DYNC1H1: variants seen among roughly 807,000 people sequenced by gnomAD.
DYNC1H1 encodes dynein cytoplasmic 1 heavy chain 1.
DYNC1H1 carries 51 observed loss-of-function variants against 527.1 expected under a neutral mutation model. That is an observed-to-expected ratio of 0.10 (90% CI 0.08 to 0.12). DYNC1H1 has a LOEUF of 0.12. DYNC1H1 is among the 10% of genes least tolerant of loss of function. The probability of loss-of-function intolerance (pLI) is 1.00; values close to 1 mark genes in which losing one functional copy is unlikely to be tolerated. For missense variants in DYNC1H1, 2,771 were observed against 5,971.8 expected (o/e 0.46, Z 17.66); for synonymous variants, 2,189 against 2,278.8 (o/e 0.96, Z 1.12).
At position 102,030,185 on chromosome 14, in the gene DYNC1H1, A is replaced by G; in HGVS notation, c.9786A>G (p.Glu3262=). 3 of 1,614,182 alleles carry G rather than the reference A, an allele frequency of 1.9e-6. No homozygotes were observed. Among genetic ancestry groups the G allele is most frequent in the Non-Finnish European group, 2.5e-6 (3 of 1,180,018 alleles). The change falls in exon 51 of 78, where the codon GAA becomes GAG. Residue 3262 remains glutamate (E), a synonymous_variant. Transcript: ENST00000360184. ...KKKVMSQEIQ[E]QLHKQQEVIA... ...AGGTTATGAGCCAAGAAATCCAGGAACAGCTGCATAAGCAGCAGGAGGTAA... is the reference window on the plus strand; with the variant it reads ...AGGTTATGAGCCAAGAAATCCAGGAGCAGCTGCATAAGCAGCAGGAGGTAA...
intron 15 of DYNC1H1, 105 bp downstream of exon 15, chr14:101,995,405 A>C: frequency 2.9e-6 from 4 of 1,370,292 alleles, no homozygotes; most frequent in Non-Finnish European, 4.1e-6. Context: ...AGGTCAGGAG[A>C]TCGAGACCAT....
rs2048535005 is a variant in DYNC1H1 at position 102,033,587 on chromosome 14, C to G, written c.10413+103C>G. 1.4e-6 allele frequency: 2 copies of G among 1,459,416 alleles called. No homozygotes were observed. Among genetic ancestry groups the G allele is most frequent in the East Asian group, 4.9e-5 (2 of 40,980 alleles). The allele number at this position is 1,459,416 out of a possible 1,614,324, so 90.4% of individuals were successfully genotyped here. A position where few individuals can be genotyped will look rare whatever the true frequency, so the allele number is the denominator to read the frequency against. ...CACCATGCTGGCCTCGGTGAATTCG[C>G]TCTTTAACATCTGTAAGGCCCCGGA... On this transcript the variant is annotated intron_variant, in intron 54 of 77. Coordinates refer to ENST00000360184, the MANE Select transcript of DYNC1H1 (RefSeq NM_001376.5). The surrounding 1 kb of genome is among the most constrained non-coding windows in gnomAD (Gnocchi z 5.6).
In DYNC1H1 at chr14:102,012,741, G is replaced by A; in HGVS notation, c.7014+271G>A. ...TATGATTATCAGTTAACCCTGTATG[G>A]TGGGGTTGTCGTTAAGGTTTCTTAA... On this transcript the variant is annotated intron_variant, in intron 34 of 77. Coordinates refer to ENST00000360184, the MANE Select transcript of DYNC1H1 (RefSeq NM_001376.5). This position sits in a 1 kb window ranked among gnomAD's most constrained non-coding sequence, Gnocchi z 4.9. The A allele has an allele frequency of 2.0e-6, 1 of 492,970 alleles. No homozygotes were observed. Among genetic ancestry groups the A allele is most frequent in the Non-Finnish European group, 3.7e-6 (1 of 272,554 alleles). 30.5% of individuals were successfully genotyped at this position (492,970 alleles called of 1,614,324 possible). A position where few individuals can be genotyped will look rare whatever the true frequency, so the allele number is the denominator to read the frequency against.
chr14:102,005,296 G>T lies in DYNC1H1; in HGVS notation c.5433+60G>T, dbSNP rs2048184706. On this transcript the variant is annotated intron_variant, in intron 26 of 77. Transcript: ENST00000360184. This position sits in a 1 kb window ranked among gnomAD's most constrained non-coding sequence, Gnocchi z 4.0. Reference sequence around the variant, plus strand: ...AGACTCTTACACCCTCAACCACACAGTTAAATGGAAATCATGCTTGAAAAA... The same window carrying T: ...AGACTCTTACACCCTCAACCACACATTTAAATGGAAATCATGCTTGAAAAA... 4 of 1,599,994 alleles carry T rather than the reference G, an allele frequency of 2.5e-6. No individual in the cohort carries two copies. In the South Asian group the frequency reaches 4.4e-5, roughly 18 times the overall value.
Position 101,983,715 on chromosome 14 carries a change from T to C in DYNC1H1, c.1461+106T>C. The stretch of plus-strand genomic sequence containing the variant: ...TTGTTGAGATGAAGTTTCACTCTTG[T>C]TGCCCAGGCTGGAGTGCAATGGCAT... On this transcript the variant is annotated intron_variant, in intron 7 of 77. Coordinates refer to ENST00000360184, the MANE Select transcript of DYNC1H1 (RefSeq NM_001376.5). The surrounding 1 kb of genome is among the most constrained non-coding windows in gnomAD (Gnocchi z 5.3). The C allele has an allele frequency of 2.3e-6, 3 of 1,325,640 alleles. No individual in the cohort carries two copies. Among genetic ancestry groups the C allele is most frequent in the Non-Finnish European group, 3.1e-6 (3 of 952,454 alleles). The allele number at this position is 1,325,640 out of a possible 1,614,324, so 82.1% of individuals were successfully genotyped here.
rs756401590 is a variant in DYNC1H1 at position 102,049,632 on chromosome 14, G to T, written c.13515+50G>T. ...GGGTGGTCAGCAGCTGTCCTGGGCT[G>T]GGGTGGGAGTGGCTCTGGGGAAAAA... On this transcript the variant is annotated intron_variant, in intron 75 of 77. Transcript: ENST00000360184. This position sits in a 1 kb window ranked among gnomAD's most constrained non-coding sequence, Gnocchi z 5.5. 1 of 1,613,244 alleles carries T rather than the reference G, an allele frequency of 6.2e-7. No homozygotes were observed.
chr14:102,048,913 G>GT, intron 74 of DYNC1H1: 1 of 557,508 alleles, frequency 1.8e-6, no homozygotes, highest in South Asian at 2.0e-5. Flanking sequence ...ACAACTTCTA[G>GT]TTTTTTAGGG....
Position 102,004,834 on chromosome 14 carries a change from G to A in DYNC1H1, c.5122G>A (p.Glu1708Lys). The A allele has an allele frequency of 5.0e-6, 8 of 1,614,190 alleles. No homozygotes were observed. The highest frequency in any genetic ancestry group is 5.9e-6 in the Non-Finnish European group (7 of 1,180,044). ...TGAGTGGCTCACATTGGTAGAAAAG[G>A]AGATGAGAGTCACCCTGGCCAAACT... is the stretch of plus-strand genomic sequence containing the variant. The part of the protein sequence containing the change: ...INEWLTLVEK[E>K]MRVTLAKLLA... The change falls in exon 25 of 78, where the codon GAG becomes AAG. Residue 1708 changes from glutamate (E) to lysine (K), a missense_variant. By Grantham distance (56) the Glu-to-Lys change is moderately conservative (BLOSUM62 1). This residue lies in a region of DYNC1H1 where 105 missense variants were observed against 138.1 expected (regional missense o/e 0.76). Transcript: ENST00000360184.
rs1437010377 is a variant in DYNC1H1, at chr14:102,012,083, C to T, written c.6827C>T (p.Thr2276Ile). The stretch of plus-strand genomic sequence containing the variant: ...CTGGACCCCAACACCAGGGAATGGA[C>T]AGATGGGCTCTTCACACACGTGCTG... ...GTLDPNTREW[T>I]DGLFTHVLRK... The change falls in exon 33 of 78, where the codon ACA becomes ATA. Residue 2276 changes from threonine to isoleucine, a missense_variant. Coordinates refer to ENST00000360184, the MANE Select transcript of DYNC1H1 (RefSeq NM_001376.5). The surrounding 1 kb of genome is among the most constrained non-coding windows in gnomAD (Gnocchi z 4.9). 6.2e-7 allele frequency: 1 copy of T among 1,614,216 alleles called. No individual in the cohort carries two copies. The highest frequency in any genetic ancestry group is 1.7e-5 in the Admixed American group (1 of 60,034).
intron 52 of DYNC1H1, 104 bp downstream of exon 52, chr14:102,032,571 G>T: frequency 7.0e-7 from 1 of 1,438,606 alleles, no homozygotes; most frequent in South Asian, 1.2e-5. Flanking sequence ...GGCTGTTCAG[G>T]CCAGGCACAG....
intron 2 of DYNC1H1, among the ~76,000 whole-genome samples, chr14:101,976,878 T>C (rs944688597): frequency 2.6e-5 from 4 of 152,202 alleles, no homozygotes; most frequent in African/African-American, 9.7e-5. Flanking sequence ...AAACAGCCAG[T>C]ATAACAACTA....
In DYNC1H1 at chr14:101,985,625, A is replaced by G; in HGVS notation, c.1462-62A>G. On this transcript the variant is annotated intron_variant, in intron 7 of 77. Transcript: ENST00000360184. The surrounding 1 kb of genome is among the most constrained non-coding windows in gnomAD (Gnocchi z 5.9). ...AGGTGTGAGCCACTGCACCCGGCTT[A>G]AAATAAATTTTAAAGCCTTCGTTTG... 6.3e-7 allele frequency: 1 copy of G among 1,589,812 alleles called. No individual in the cohort carries two copies. Among genetic ancestry groups the G allele is most frequent in the South Asian group, 1.1e-5 (1 of 90,412 alleles).
In DYNC1H1 at chr14:102,010,745, G is replaced by A. The variant is rs754189671; in HGVS notation, c.6411G>A (p.Leu2137=). 6.2e-7 allele frequency: 1 copy of A among 1,612,684 alleles called. No individual in the cohort carries two copies. Among genetic ancestry groups the A allele is most frequent in the Non-Finnish European group, 8.5e-7 (1 of 1,179,906 alleles). Residue 2137 remains leucine (L), a synonymous_variant, in exon 32 of 78, where the codon CTG becomes CTA. Transcript: ENST00000360184. The surrounding 1 kb of genome is among the most constrained non-coding windows in gnomAD (Gnocchi z 6.0). Reference sequence around the variant, plus strand: ...GCCCAGCCCTCTCCCCGTAGATTCTGATACAGAGCGTCTGTGAGACGATGG... The same window carrying A: ...GCCCAGCCCTCTCCCCGTAGATTCTAATACAGAGCGTCTGTGAGACGATGG... ...IAENLPEQEI[L]IQSVCETMVP...
chr14:102,038,925 AC>A lies in DYNC1H1; in HGVS notation c.11207-75del, dbSNP rs17512776. On this transcript the variant is annotated intron_variant, in intron 59 of 77. Coordinates refer to ENST00000360184, the MANE Select transcript of DYNC1H1 (RefSeq NM_001376.5). This position sits in a 1 kb window ranked among gnomAD's most constrained non-coding sequence, Gnocchi z 7.2. ...AACTTTTAAGTGACTAGGATGTTCC[AC>A]GTTTGTGGCAAACACTTCTGAGAGC... 0.068 allele frequency: 109,907 copies of A among 1,613,932 alleles called. 4,102 individuals are homozygous for A. Among genetic ancestry groups the A allele is most frequent in the South Asian group, 0.12 (11,177 of 91,022 alleles).
At chr14:101,998,835 C>T (rs1474178256) in intron 16 of DYNC1H1, among the ~76,000 whole-genome samples, 2 of 150,950 alleles carry the variant, frequency 1.3e-5, no homozygotes, top group African/African-American at 4.9e-5. Context: ...TATTTCTCAT[C>T]ACTTTACCTT....
chr14:102,029,554 G>A lies in DYNC1H1; in HGVS notation c.9484G>A (p.Ala3162Thr). ...TTTCTGAAAGGCGAATGCTCGGCTAGCAAAGCGAGGCGGCAGAACGATGGC... is the reference window on the plus strand; with the variant it reads ...TTTCTGAAAGGCGAATGCTCGGCTAACAAAGCGAGGCGGCAGAACGATGGC... ...QTLHQANARL[A>T]KRGGRTMAIT... Residue 3162 changes from alanine (A) to threonine (T), a missense_variant, in exon 49 of 78, where the codon GCA becomes ACA. Transcript: ENST00000360184. This position sits in a 1 kb window ranked among gnomAD's most constrained non-coding sequence, Gnocchi z 5.3. 6.2e-7 allele frequency: 1 copy of A among 1,614,206 alleles called. No individual in the cohort carries two copies. Among genetic ancestry groups the A allele is most frequent in the Non-Finnish European group, 8.5e-7 (1 of 1,180,038 alleles).
intron 4 of DYNC1H1, 91 bp downstream of exon 4, chr14:101,980,065 A>G: frequency 6.3e-7 from 1 of 1,585,134 alleles, no homozygotes; most frequent in Non-Finnish European, 8.6e-7. Flanking sequence ...GAGGTAAATT[A>G]TGTGATAACT....
rs1268765070 is a variant in DYNC1H1, at chr14:102,017,075, C to T, written c.7849-13C>T. ...TTGGTCTTACAGTGTGGTTTTGTGT[C>T]TTCCCTCCAAAGGTGGTGGGTCTCA... is the stretch of plus-strand genomic sequence containing the variant. On this transcript the variant is annotated splice_polypyrimidine_tract_variant and intron_variant, in intron 38 of 77. Coordinates refer to ENST00000360184, the MANE Select transcript of DYNC1H1 (RefSeq NM_001376.5). The surrounding 1 kb of genome is among the most constrained non-coding windows in gnomAD (Gnocchi z 4.6). The T allele has an allele frequency of 3.7e-6, 6 of 1,614,248 alleles. No individual in the cohort carries two copies. In the East Asian group the frequency reaches 1.3e-4, roughly 36 times the overall value.
chr14:102,038,659 C>T lies in DYNC1H1; in HGVS notation c.11056-39C>T. On this transcript the variant is annotated intron_variant, in intron 58 of 77. Coordinates refer to ENST00000360184, the MANE Select transcript of DYNC1H1 (RefSeq NM_001376.5). The surrounding 1 kb of genome is among the most constrained non-coding windows in gnomAD (Gnocchi z 7.2). ...AATCTGGCAGGATGTGGTTTTGAAA[C>T]TGGATTAAGACAGACTGTTCTGTTA... 6.2e-7 allele frequency: 1 copy of T among 1,614,242 alleles called. No individual in the cohort carries two copies. The highest frequency in any genetic ancestry group is 8.5e-7 in the Non-Finnish European group (1 of 1,180,048).
Sources: allele counts gnomAD v4.1 joint callset (sites outside exome capture counted in the v4.1 genomes callset), GRCh38; gene constraint gnomAD v4.1.1; regional missense constraint gnomAD v4.1.1; non-coding constraint Gnocchi (gnomAD v3.1); transcripts MANE v1.5; gene names NCBI Gene and HGNC (gene_info 2026-07-23, HGNC 2026-07-21).